The following TBC1D5 variants were observed in gnomAD, a reference collection of about 807,000 sequenced individuals.
TBC1D5 encodes the protein TBC1 domain family, member 5.
A neutral mutation model predicts 100.3 loss-of-function variants in TBC1D5; 75 were observed. That is an observed-to-expected ratio of 0.75 (90% CI 0.62 to 0.91). TBC1D5 has a LOEUF of 0.91. TBC1D5 is among the 40% of genes least tolerant of loss of function. The pLI is 0.00. For synonymous variants in TBC1D5, 323 were observed against 325.6 expected, an observed-to-expected ratio of 0.99 and a Z score of 0.09; for missense variants, 910 against 942.4, an observed-to-expected ratio of 0.97 and a Z score of 0.45.
intron 3 of TBC1D5, among the ~76,000 whole-genome samples, chr3:17,471,946 A>T (rs1452407804): frequency 1.3e-5 from 2 of 152,026 alleles, no homozygotes; most frequent in Non-Finnish European, 2.9e-5. Context: ...TTACCACATG[A>T]CGAAATCTAC....
intron 1 of TBC1D5, among the ~76,000 whole-genome samples, chr3:17,652,352 G>A (rs983063641): frequency 1.3e-5 from 2 of 151,864 alleles, no homozygotes; most frequent in African/African-American, 4.8e-5. Flanking sequence ...ATTTATAAAG[G>A]AAGGCTCAAA....
chr3:17,392,607 A>G (rs1417731410), intron 8 of TBC1D5, among the ~76,000 whole-genome samples: 42 of 152,054 alleles, frequency 2.8e-4, no homozygotes, highest in Non-Finnish European at 1.5e-5. Context: ...GGGTGAGAAC[A>G]TGCGGTGTTT....
At chr3:17,442,532 A>G (rs1442696978) in intron 3 of TBC1D5, among the ~76,000 whole-genome samples, 1 of 152,244 alleles carries the variant, frequency 6.6e-6, no homozygotes, top group Non-Finnish European at 1.5e-5. Flanking sequence ...TGTGTGGGGT[A>G]ACCCTGTAGA....
chr3:17,320,290 T>A lies in TBC1D5; in HGVS notation c.996-12156A>T, dbSNP rs748455721. Among the ~76,000 whole-genome samples, 10 of 152,216 alleles carry A rather than the reference T, an allele frequency of 6.6e-5. No homozygotes were observed. In the South Asian group the frequency reaches 8.3e-4, roughly 13 times the overall value. ...AAGTGTGGTCTCTAAACCAGCAGCATCAGCATCACATGAAAATTTGTTCAA... is the reference window on the plus strand; with the variant it reads ...AAGTGTGGTCTCTAAACCAGCAGCAACAGCATCACATGAAAATTTGTTCAA... On this transcript the variant is annotated intron_variant, in intron 13 of 21. Transcript: ENST00000253692.
At chr3:17,168,511 C>A (rs1274820280) in intron 19 of TBC1D5, among the ~76,000 whole-genome samples, 1 of 152,132 alleles carries the variant, frequency 6.6e-6, no homozygotes, top group Non-Finnish European at 1.5e-5. Flanking sequence ...ATGTTAAACA[C>A]TCAGTGGTCC....
intron 2 of TBC1D5, among the ~76,000 whole-genome samples, chr3:17,530,347 G>T (rs1285098070): frequency 6.6e-6 from 1 of 152,046 alleles, no homozygotes; most frequent in Non-Finnish European, 1.5e-5. Context: ...TCGATGGGGG[G>T]TTGGGGGGTG....
At chr3:17,284,431 T>C (rs1217395794) in intron 15 of TBC1D5, among the ~76,000 whole-genome samples, 1 of 152,184 alleles carries the variant, frequency 6.6e-6, no homozygotes, top group Non-Finnish European at 1.5e-5. Flanking sequence ...TATTACCCTA[T>C]TTGCGCCCTT....
At chr3:17,383,043 T>C (rs1314113188) in intron 9 of TBC1D5, among the ~76,000 whole-genome samples, 1 of 152,038 alleles carries the variant, frequency 6.6e-6, no homozygotes, top group African/African-American at 2.4e-5. Context: ...TTAGTTCCCT[T>C]GGGTATTCTA....
intron 4 of TBC1D5, among the ~76,000 whole-genome samples, chr3:17,426,687 A>T (rs926132765): frequency 5.3e-5 from 8 of 152,070 alleles, no homozygotes; most frequent in Non-Finnish European, 1.2e-4. Flanking sequence ...TACAATTATC[A>T]TTTAATACTA....
At chr3:17,537,808 T>C (rs1176901290) in intron 2 of TBC1D5, among the ~76,000 whole-genome samples, 1 of 152,222 alleles carries the variant, frequency 6.6e-6, no homozygotes. Context: ...CATCCAGCTA[T>C]TGATAAACAC....
intron 15 of TBC1D5, among the ~76,000 whole-genome samples, chr3:17,260,997 CCACA>C (rs142763370): frequency 0.011 from 1,602 of 152,252 alleles, 28 homozygotes; most frequent in African/African-American, 0.036. Context: ...TGCTAAACAG[CCACA>C]TGTGGCAAGT....
At position 17,326,500 on chromosome 3, in the gene TBC1D5, T is replaced by C. The variant is rs115268859; in HGVS notation, c.996-18366A>G. ...TTTATTTATTTATTTTGAGACCAGG[T>C]CTCACTCTGTTGCCCAGGCTGGAGT... On this transcript the variant is annotated intron_variant, in intron 13 of 21. Transcript: ENST00000253692. Among the ~76,000 whole-genome samples, 1,493 of 152,284 alleles carry C rather than the reference T, an allele frequency of 9.8e-3. 27 individuals carry two copies. Among genetic ancestry groups the C allele is most frequent in the African/African-American group, 0.034 (1,398 of 41,542 alleles).
chr3:17,591,056 G>C (rs2096764164), intron 2 of TBC1D5, among the ~76,000 whole-genome samples: 1 of 151,608 alleles, frequency 6.6e-6, no homozygotes, highest in Non-Finnish European at 1.5e-5. Flanking sequence ...CTAACACGGT[G>C]AAACTCCGTC....
chr3:17,514,243 C>G (rs926696911), intron 2 of TBC1D5, among the ~76,000 whole-genome samples: 2 of 152,062 alleles, frequency 1.3e-5, no homozygotes, highest in Admixed American at 6.5e-5. Flanking sequence ...CCAAACCTTT[C>G]CAGAATACTT....
At chr3:17,639,905 T>C (rs765831615) in intron 1 of TBC1D5, among the ~76,000 whole-genome samples, 2 of 152,162 alleles carry the variant, frequency 1.3e-5, no homozygotes, top group South Asian at 2.1e-4. Flanking sequence ...AACTGCCCTA[T>C]GGCTAAGCAA....
At chr3:17,161,744 C>T (rs1388687424) in intron 21 of TBC1D5, among the ~76,000 whole-genome samples, 1 of 152,216 alleles carries the variant, frequency 6.6e-6, no homozygotes, top group East Asian at 1.9e-4. Flanking sequence ...CTGCTGGCTC[C>T]CTAATGTGAG....
At chr3:17,532,056 G>C (rs1344084752) in intron 2 of TBC1D5, among the ~76,000 whole-genome samples, 1 of 152,172 alleles carries the variant, frequency 6.6e-6, no homozygotes, top group East Asian at 1.9e-4. Flanking sequence ...GGAACCTACA[G>C]AATGGGAGAA....
chr3:17,288,760 A>G (rs373447554), intron 15 of TBC1D5, among the ~76,000 whole-genome samples: 1 of 152,174 alleles, frequency 6.6e-6, no homozygotes. Context: ...TCACCCTTCA[A>G]TTGTCAGCAT....
At chr3:17,603,308 A>G (rs995594207) in intron 2 of TBC1D5, among the ~76,000 whole-genome samples, 2 of 152,084 alleles carry the variant, frequency 1.3e-5, no homozygotes, top group African/African-American at 4.8e-5. Flanking sequence ...TTTACAAGGT[A>G]CAAATCACAA....
Sources: allele counts gnomAD v4.1 joint callset (sites outside exome capture counted in the v4.1 genomes callset), GRCh38; gene constraint gnomAD v4.1.1; transcripts MANE v1.5; gene names NCBI Gene and HGNC (gene_info 2026-07-23, HGNC 2026-07-21).